The following CCDC3 variants were observed in gnomAD, a reference collection of about 807,000 sequenced individuals.
The protein encoded by CCDC3 is coiled-coil domain containing 3, also known as coiled-coil domain-containing protein 3.
A neutral mutation model predicts 21.4 loss-of-function variants in CCDC3; 24 were observed. That is an observed-to-expected ratio of 1.12 (90% CI 0.81 to 1.58). The LOEUF (loss-of-function observed/expected upper bound fraction) is 1.58. Ranked by LOEUF, CCDC3 falls within the 40% of genes most tolerant of loss-of-function variation. The pLI, the probability that CCDC3 is intolerant of heterozygous loss-of-function variation, is 0.00. For synonymous variants in CCDC3, 186 were observed against 166.0 expected (o/e 1.12, Z -0.93); for missense variants, 425 against 360.9 (o/e 1.18, Z -1.44).
rs960977304 is a variant in CCDC3 at position 13,058,257 on chromosome 10, C to T, written c.-269-8316G>A. 1.1e-5 allele frequency: 15 copies of T among 1,381,344 alleles called. No individual in the cohort carries two copies. In the South Asian group the frequency reaches 1.5e-4, roughly 14 times the overall value. 85.6% of individuals were successfully genotyped at this position (1,381,344 alleles called of 1,614,324 possible). The stretch of plus-strand genomic sequence containing the variant: ...CCTGCATCCAAATAGCAGGTAAAGG[C>T]ACCTGGCTGACCATCAATGCTTTCC... On this transcript the variant is annotated intron_variant, in intron 4 of 6. Coordinates refer to the CCDC3 transcript ENST00000378839.
chr10:13,077,523 T>C lies in CCDC3; in HGVS notation c.-502-3423A>G, dbSNP rs531975390. Among the ~76,000 whole-genome samples, 3 of 152,266 alleles carry C rather than the reference T, an allele frequency of 2.0e-5. No homozygotes were observed. The South Asian group carries it at 6.2e-4, about 32-fold the overall frequency. On this transcript the variant is annotated intron_variant, in intron 3 of 6. Transcript: ENST00000378839. Reference sequence around the variant, plus strand: ...GGAAAAAACTACTTTAAAGTTCATATGGAACCAAAAAAGAGCTGCATTGCC... The same window carrying C: ...GGAAAAAACTACTTTAAAGTTCATACGGAACCAAAAAAGAGCTGCATTGCC...
At chr10:13,004,787 C>T (rs1835906572), upstream of CCDC3, among the ~76,000 whole-genome samples, 1 of 151,974 alleles carries the variant, frequency 6.6e-6, no homozygotes, top group South Asian at 2.1e-4. Flanking sequence ...CCACCATGGC[C>T]ACTCTGTTTA....
intron 2 of CCDC3, among the ~76,000 whole-genome samples, chr10:12,919,199 TA>T (rs1834407697): frequency 6.6e-6 from 1 of 152,240 alleles, no homozygotes; most frequent in Non-Finnish European, 1.5e-5. Flanking sequence ...GAAGGGTCTT[TA>T]TTGTTAGAGT....
chr10:12,941,005 A>G (rs559363327), intron 2 of CCDC3, among the ~76,000 whole-genome samples: 1 of 152,298 alleles, frequency 6.6e-6, no homozygotes, highest in South Asian at 2.1e-4. Flanking sequence ...TTTTGTGTAG[A>G]GGCTGGGTAA....
chr10:12,977,935 C>T (rs576688361), intron 2 of CCDC3, among the ~76,000 whole-genome samples: 1 of 152,144 alleles, frequency 6.6e-6, no homozygotes, highest in East Asian at 1.9e-4. Flanking sequence ...CGGGCTTGTG[C>T]GTGGATGGCG....
intron 4 of CCDC3, among the ~76,000 whole-genome samples, chr10:13,059,865 G>A (rs973472689): frequency 1.2e-4 from 19 of 152,096 alleles, no homozygotes; most frequent in African/African-American, 4.3e-4. Context: ...CGAGGAGGGC[G>A]GATCATGAGG....
intron 2 of CCDC3, among the ~76,000 whole-genome samples, chr10:12,980,592 C>G (rs1421056949): frequency 6.6e-6 from 1 of 152,020 alleles, no homozygotes; most frequent in Non-Finnish European, 1.5e-5. Flanking sequence ...TCTTCTTCCC[C>G]GGAGAAGTTT....
chr10:12,922,154 C>T (rs1028993713), intron 2 of CCDC3, among the ~76,000 whole-genome samples: 2 of 152,184 alleles, frequency 1.3e-5, no homozygotes, highest in Non-Finnish European at 2.9e-5. Flanking sequence ...ATCTGTTCAG[C>T]TTCTGCCTTT....
intron 2 of CCDC3, among the ~76,000 whole-genome samples, chr10:12,912,625 C>T (rs1297847053): frequency 6.6e-6 from 1 of 152,016 alleles, no homozygotes; most frequent in African/African-American, 2.4e-5. Flanking sequence ...TGATGTGTTC[C>T]CATTTGCATC....
intron 5 of CCDC3, among the ~76,000 whole-genome samples, chr10:13,013,198 C>T (rs1394690421): frequency 6.6e-6 from 1 of 152,102 alleles, no homozygotes. Context: ...ATGCAAGCAC[C>T]CAGCAGCCAG....
At chr10:12,926,933 T>C (rs1285247220) in intron 2 of CCDC3, among the ~76,000 whole-genome samples, 2 of 152,184 alleles carry the variant, frequency 1.3e-5, no homozygotes, top group African/African-American at 4.8e-5. Flanking sequence ...AGAGCATTTA[T>C]TTAGCACTAG....
At chr10:13,055,265 G>C (rs913286426) in intron 4 of CCDC3, among the ~76,000 whole-genome samples, 2 of 152,148 alleles carry the variant, frequency 1.3e-5, no homozygotes, top group African/African-American at 4.8e-5. Flanking sequence ...CACCATTTCA[G>C]CTGCATTCTG....
chr10:13,014,243 G>T, intron 5 of CCDC3, among the ~76,000 whole-genome samples: 1 of 151,656 alleles, frequency 6.6e-6, no homozygotes, highest in Admixed American at 6.6e-5. Flanking sequence ...CACAAGGTCA[G>T]GAGATTGAGA....
chr10:12,947,329 G>A (rs1050946799), intron 2 of CCDC3, among the ~76,000 whole-genome samples: 1 of 151,874 alleles, frequency 6.6e-6, no homozygotes, highest in Non-Finnish European at 1.5e-5. Context: ...TGTATTTTCA[G>A]TGGAGACATG....
At chr10:12,925,085 A>G (rs534591473) in intron 2 of CCDC3, among the ~76,000 whole-genome samples, 1 of 152,298 alleles carries the variant, frequency 6.6e-6, no homozygotes, top group East Asian at 1.9e-4. Flanking sequence ...CCTACAGGGT[A>G]AAGGCACATT....
chr10:13,090,051 ATATATATATATATAT>A (rs1832545007), intron 3 of CCDC3, among the ~76,000 whole-genome samples: 1 of 32,064 alleles, frequency 3.1e-5, no homozygotes, highest in African/African-American at 1.4e-4. Flanking sequence ...ATATATATAT[ATATATATATATATAT>A]ATATATATAT....
chr10:12,992,660 G>A (rs1289813736), intron 2 of CCDC3, among the ~76,000 whole-genome samples: 2 of 151,988 alleles, frequency 1.3e-5, no homozygotes, highest in East Asian at 3.9e-4. Context: ...TGGGAAGGGT[G>A]GGAGAGGGTG....
intron 2 of CCDC3, among the ~76,000 whole-genome samples, chr10:12,984,494 T>C (rs1166225763): frequency 6.6e-6 from 1 of 152,222 alleles, no homozygotes; most frequent in African/African-American, 2.4e-5. Flanking sequence ...GAAAACAGTC[T>C]GGCTGCTCCT....
chr10:13,028,948 C>T (rs528820798), intron 5 of CCDC3, among the ~76,000 whole-genome samples: 5 of 152,256 alleles, frequency 3.3e-5, no homozygotes, highest in South Asian at 2.1e-4. Context: ...AAATGACATC[C>T]ATAATTCCAG....
Sources: allele counts gnomAD v4.1 joint callset (sites outside exome capture counted in the v4.1 genomes callset), GRCh38; gene constraint gnomAD v4.1.1; transcripts MANE v1.5; gene names NCBI Gene and HGNC (gene_info 2026-07-23, HGNC 2026-07-21).